DIAPH2: variants seen among roughly 807,000 people sequenced by gnomAD.
DIAPH2 encodes protein diaphanous homolog 2.
Under a neutral mutation model 92.7 loss-of-function variants are expected in DIAPH2, and 35 were observed. The ratio of observed to expected loss-of-function variants is 0.38; its 90% CI spans 0.29 to 0.50. The LOEUF is 0.50. DIAPH2 is among the 20% of genes least tolerant of loss of function. The probability of loss-of-function intolerance (pLI) is 0.94; values close to 1 mark genes in which losing one functional copy is unlikely to be tolerated. For missense variants in DIAPH2, 701 were observed against 819.5 expected (o/e 0.86, Z 1.77); for synonymous variants, 301 against 280.4 (o/e 1.07, Z -0.73).
At chrX:97,077,589 A>T (rs974743206) in intron 19 of DIAPH2, among the ~76,000 whole-genome samples, 2 of 112,161 alleles carry the variant, frequency 1.8e-5, no homozygotes, top group African/African-American at 6.5e-5. Flanking sequence ...TAACAGTAGT[A>T]GTATTTTCTC....
chrX:97,269,862 C>T (rs1180991588), intron 23 of DIAPH2, among the ~76,000 whole-genome samples: 2 of 109,281 alleles, frequency 1.8e-5, no homozygotes, highest in Non-Finnish European at 3.8e-5. Context: ...AAGCGATTCT[C>T]CTGCCTCAGC....
intron 3 of DIAPH2, among the ~76,000 whole-genome samples, chrX:96,751,653 T>TTTTTTGTTTTTTG (rs1569383773): frequency 1.5e-5 from 1 of 65,313 alleles, no homozygotes; most frequent in Admixed American, 1.7e-4. Context: ...CAGTGTTTTG[T>TTTTTTGTTTTTTG]TTTTTTTTTT....
intron 17 of DIAPH2, among the ~76,000 whole-genome samples, chrX:97,007,666 A>G (rs748176740): frequency 9.3e-6 from 1 of 107,872 alleles, no homozygotes; most frequent in East Asian, 2.9e-4. Context: ...ATCTATATTT[A>G]TATTCTATAT....
At chrX:97,426,532 C>G (rs1022985241) in intron 25 of DIAPH2, among the ~76,000 whole-genome samples, 12 of 110,752 alleles carry the variant, frequency 1.1e-4, no homozygotes, top group African/African-American at 3.9e-4. Context: ...TCAAGTGATC[C>G]TCCCACCTTG....
rs1366130513 is a variant in DIAPH2, at chrX:97,601,376, G to C, written c.*2059G>C. On this transcript the variant is annotated 3_prime_UTR_variant, in exon 27 of 27. Transcript: ENST00000324765. ...TATTTTCTAGTTTGTGAACAAGAAC[G>C]AATGAAGTACTATTATTGATAACTT... 9.1e-6 allele frequency: 1 copy of C among 109,436 alleles called. No homozygotes were observed. Among genetic ancestry groups the C allele is most frequent in the Non-Finnish European group, 1.9e-5 (1 of 52,129 alleles). 9.0% of individuals were successfully genotyped at this position (109,436 alleles called of 1,213,427 possible). A position where few individuals can be genotyped will look rare whatever the true frequency, so the allele number is the denominator to read the frequency against.
At chrX:97,006,123 C>T (rs2066180751) in intron 17 of DIAPH2, among the ~76,000 whole-genome samples, 1 of 110,830 alleles carries the variant, frequency 9.0e-6, no homozygotes, top group Non-Finnish European at 1.9e-5. Flanking sequence ...TTCCAAAATT[C>T]CCTTTGTTAT....
At chrX:97,307,726 T>C (rs1417094005) in intron 23 of DIAPH2, among the ~76,000 whole-genome samples, 1 of 108,491 alleles carries the variant, frequency 9.2e-6, no homozygotes, top group Non-Finnish European at 1.9e-5. Context: ...CTGACCAACA[T>C]GGAGAAACCC....
chrX:96,686,749 C>T (rs1169362028), intron 1 of DIAPH2, among the ~76,000 whole-genome samples: 1 of 112,080 alleles, frequency 8.9e-6, no homozygotes, highest in Non-Finnish European at 1.9e-5. Context: ...GACATTGTGG[C>T]ACATTTTAAG....
At chrX:97,120,336 T>G (rs1459212952) in intron 21 of DIAPH2, among the ~76,000 whole-genome samples, 2 of 110,845 alleles carry the variant, frequency 1.8e-5, no homozygotes, top group Non-Finnish European at 3.8e-5. Context: ...GGGTGTGTGT[T>G]CGGTGGTGGA....
chrX:96,922,604 A>T (rs930935070), intron 9 of DIAPH2, among the ~76,000 whole-genome samples: 2 of 111,812 alleles, frequency 1.8e-5, no homozygotes, highest in Admixed American at 1.9e-4. Context: ...TATCATTCTT[A>T]AAAATCTATG....
chrX:97,032,903 A>G (rs1260494881), intron 17 of DIAPH2, among the ~76,000 whole-genome samples: 1 of 111,589 alleles, frequency 9.0e-6, no homozygotes, highest in African/African-American at 3.2e-5. Flanking sequence ...CAGTATCTCT[A>G]TTGGGATCAT....
At chrX:97,095,829 C>T (rs1296455751) in intron 19 of DIAPH2, among the ~76,000 whole-genome samples, 1 of 112,142 alleles carries the variant, frequency 8.9e-6, no homozygotes, top group Non-Finnish European at 1.9e-5. Flanking sequence ...TGACAATCAT[C>T]AGAATGTAAA....
At chrX:97,464,870 C>T (rs187716619) in intron 26 of DIAPH2, among the ~76,000 whole-genome samples, 16 of 111,453 alleles carry the variant, frequency 1.4e-4, no homozygotes, top group East Asian at 8.4e-4. Context: ...GTTTTTGAGA[C>T]GGAGTTTTGC....
chrX:97,153,218 A>T (rs2067297951), intron 22 of DIAPH2, among the ~76,000 whole-genome samples: 1 of 112,028 alleles, frequency 8.9e-6, no homozygotes, highest in African/African-American at 3.2e-5. Flanking sequence ...AAAAATTATT[A>T]TTCAAGCTAG....
chrX:97,253,203 A>T (rs1383152890), intron 23 of DIAPH2, among the ~76,000 whole-genome samples: 2 of 108,536 alleles, frequency 1.8e-5, no homozygotes, highest in Non-Finnish European at 3.8e-5. Flanking sequence ...CAGGAGAATC[A>T]CTTGAACCTG....
At chrX:96,838,097 A>G (rs1183007549) in intron 4 of DIAPH2, among the ~76,000 whole-genome samples, 9 of 112,114 alleles carry the variant, frequency 8.0e-5, no homozygotes, top group African/African-American at 2.9e-4. Flanking sequence ...ATGGTCATAA[A>G]TCTTTATCTT....
intron 17 of DIAPH2, among the ~76,000 whole-genome samples, chrX:97,054,750 T>C (rs1323134717): frequency 9.0e-6 from 1 of 111,308 alleles, no homozygotes. Flanking sequence ...TCCCTACTTA[T>C]TACTTAAGCT....
intron 26 of DIAPH2, among the ~76,000 whole-genome samples, chrX:97,522,426 C>T (rs760363181): frequency 2.7e-5 from 3 of 112,257 alleles, no homozygotes; most frequent in Non-Finnish European, 3.8e-5. Context: ...GGATTATAAG[C>T]GTGAGCCACC....
chrX:97,528,157 T>C (rs1249783036), intron 26 of DIAPH2, among the ~76,000 whole-genome samples: 1 of 112,509 alleles, frequency 8.9e-6, no homozygotes, highest in African/African-American at 3.2e-5. Flanking sequence ...CCTATATAAA[T>C]GTCCTAAATA....
Sources: allele counts gnomAD v4.1 joint callset (sites outside exome capture counted in the v4.1 genomes callset), GRCh38; gene constraint gnomAD v4.1.1; transcripts MANE v1.5; gene names NCBI Gene and HGNC (gene_info 2026-07-23, HGNC 2026-07-21).